Variants in WRN observed in about 807,000 individuals in gnomAD.
WRN encodes bifunctional 3'-5' exonuclease/ATP-dependent helicase WRN.
A neutral mutation model predicts 180.7 loss-of-function variants in WRN; 149 were observed. That is an observed-to-expected ratio of 0.82 (90% CI 0.72 to 0.94). The LOEUF is 0.94. WRN is among the 40% of genes least tolerant of loss of function. The pLI, the probability that WRN is intolerant of heterozygous loss-of-function variation, is 0.00. For missense variants in WRN, 1,661 were observed against 1,700.1 expected (o/e 0.98, Z 0.40); for synonymous variants, 548 against 568.9 (o/e 0.96, Z 0.52).
At chr8:31,154,051 G>T (rs1023098297) in intron 31 of WRN, among the ~76,000 whole-genome samples, 4 of 151,886 alleles carry the variant, frequency 2.6e-5, no homozygotes, top group African/African-American at 7.2e-5. Flanking sequence ...CCTTTAAAAA[G>T]ATTCCATTAT....
chr8:31,064,583 T>G, intron 4 of WRN, 149 bp downstream of exon 4: 1 of 1,199,998 alleles, frequency 8.3e-7, no homozygotes, highest in Non-Finnish European at 1.2e-6. Context: ...TTCACTCACA[T>G]TCCTTGTTTT....
At chr8:31,037,028 A>G (rs1420342828) in intron 1 of WRN, among the ~76,000 whole-genome samples, 1 of 152,224 alleles carries the variant, frequency 6.6e-6, no homozygotes, top group Non-Finnish European at 1.5e-5. Context: ...GGATATTTCA[A>G]GCGCATTACA....
At chr8:31,062,585 TA>T (rs896186432) in intron 3 of WRN, among the ~76,000 whole-genome samples, 5 of 151,696 alleles carry the variant, frequency 3.3e-5, no homozygotes, top group East Asian at 1.9e-4. Context: ...TTTATATATA[TA>T]TTTTTTTATA....
In WRN at chr8:31,087,913, T is replaced by C. The variant is rs1813599701; in HGVS notation, c.1569T>C (p.Asp523=). 6.2e-7 allele frequency: 1 copy of C among 1,613,066 alleles called. No individual in the cohort carries two copies. Residue 523 remains aspartate, a synonymous_variant, in exon 12 of 35, where the codon GAT becomes GAC. Transcript: ENST00000298139. ...AAGCTAATGAAGGGGAAGAAGATGA[T>C]GATAAGGGTAAGCACTGAAGTATGT... ...ENEANEGEED[D]DKDFLWPAPN...
At chr8:31,150,560 C>G (rs991609016) in intron 31 of WRN, 105 bp downstream of exon 31, 2 of 890,920 alleles carry the variant, frequency 2.2e-6, no homozygotes, top group Non-Finnish European at 3.7e-6. Context: ...TTTGCATTTC[C>G]ATACTGGACA....
chr8:31,146,127 T>C (rs545925971), intron 28 of WRN, among the ~76,000 whole-genome samples: 2 of 151,906 alleles, frequency 1.3e-5, no homozygotes, highest in Admixed American at 1.3e-4. Context: ...CTGATTTCCC[T>C]GGCGTGTGCC....
At chr8:31,053,418 G>A (rs1214525033) in intron 1 of WRN, among the ~76,000 whole-genome samples, 1 of 152,184 alleles carries the variant, frequency 6.6e-6, no homozygotes, top group East Asian at 1.9e-4. Flanking sequence ...AATTCAAATG[G>A]TGAACCTAAC....
intron 34 of WRN, among the ~76,000 whole-genome samples, chr8:31,169,430 C>T (rs1030213731): frequency 4.6e-5 from 7 of 151,722 alleles, no homozygotes; most frequent in African/African-American, 9.7e-5. Flanking sequence ...ATTCTTTCTT[C>T]GGTTTTCCCC....
At chr8:31,064,782 A>T in intron 4 of WRN, 133 bp from the exon 5 acceptor site, 1 of 1,094,628 alleles carries the variant, frequency 9.1e-7, no homozygotes, top group Non-Finnish European at 1.3e-6. Context: ...AGAAATACTC[A>T]AGGTCAATGT....
chr8:31,070,604 A>G (rs1410792971), intron 7 of WRN, among the ~76,000 whole-genome samples: 1 of 152,042 alleles, frequency 6.6e-6, no homozygotes, highest in Non-Finnish European at 1.5e-5. Flanking sequence ...GAAGAAAGCA[A>G]TTGCAGTGTA....
chr8:31,131,297 A>G (rs914807077), intron 23 of WRN, among the ~76,000 whole-genome samples: 9 of 151,890 alleles, frequency 5.9e-5, no homozygotes, highest in African/African-American at 1.7e-4. Flanking sequence ...CTGGGATTAC[A>G]GGTGCATGCC....
chr8:31,062,586 A>T (rs372706354), intron 3 of WRN, among the ~76,000 whole-genome samples: 34 of 151,218 alleles, frequency 2.2e-4, no homozygotes, highest in Admixed American at 3.3e-4. Flanking sequence ...TTATATATAT[A>T]TTTTTTTATA....
chr8:31,127,831 G>A (rs1325597410), intron 23 of WRN, among the ~76,000 whole-genome samples: 1 of 152,150 alleles, frequency 6.6e-6, no homozygotes, highest in East Asian at 1.9e-4. Flanking sequence ...GGCTAAGGTG[G>A]AAAGATCGCT....
intron 1 of WRN, among the ~76,000 whole-genome samples, chr8:31,041,699 G>A (rs998910103): frequency 3.3e-5 from 5 of 152,290 alleles, no homozygotes; most frequent in African/African-American, 9.6e-5. Context: ...AGAGGAGAAG[G>A]TATAAAATAG....
chr8:31,044,003 T>C (rs963745567), intron 1 of WRN, among the ~76,000 whole-genome samples: 2 of 152,236 alleles, frequency 1.3e-5, no homozygotes, highest in African/African-American at 4.8e-5. Flanking sequence ...CCTCCTGGAT[T>C]GTTCTTTGCA....
chr8:31,100,945 C>G lies in WRN; in HGVS notation c.2078C>G (p.Ala693Gly), dbSNP rs760090174. 9.9e-6 allele frequency: 16 copies of G among 1,613,722 alleles called. No individual in the cohort carries two copies. In the South Asian group the frequency reaches 1.8e-4, roughly 18 times the overall value. ...SFRKLGSLKT[A>G]LPMVPIVALT... is the part of the protein sequence containing the mutation. ...AGGAAGTTGGGCTCCCTAAAGACAGCACTGCCAATGGTAAGCTTTGCCAAG... is the reference window on the plus strand; with the variant it reads ...AGGAAGTTGGGCTCCCTAAAGACAGGACTGCCAATGGTAAGCTTTGCCAAG... The change falls in exon 18 of 35, where the codon GCA becomes GGA. Residue 693 changes from alanine (A) to glycine (G), a missense_variant. This residue lies in a region of WRN where 1,141 missense variants were observed against 1,149.4 expected (regional missense o/e 0.99). Coordinates refer to ENST00000298139, the MANE Select transcript of WRN (RefSeq NM_000553.6).
At chr8:31,080,406 T>A (rs1361817575) in intron 8 of WRN, among the ~76,000 whole-genome samples, 1 of 152,076 alleles carries the variant, frequency 6.6e-6, no homozygotes, top group Non-Finnish European at 1.5e-5. Flanking sequence ...GCATTATGAT[T>A]TTCCTTGACA....
At position 31,095,418 on chromosome 8, in the gene WRN, A is replaced by G. The variant is rs1348225629; in HGVS notation, c.1899-1350A>G. Reference sequence around the variant, plus strand: ...AAGAGCAGCAGTTTTTCATTTTGATAAAGTCCAGTTTGTCGATTCGTTCTT... The same window carrying G: ...AAGAGCAGCAGTTTTTCATTTTGATGAAGTCCAGTTTGTCGATTCGTTCTT... On this transcript the variant is annotated intron_variant, in intron 16 of 34. Transcript: ENST00000298139. Among the ~76,000 whole-genome samples, 4 of 152,188 alleles carry G rather than the reference A, an allele frequency of 2.6e-5. No individual in the cohort carries two copies. In the South Asian group the frequency reaches 8.3e-4, roughly 32 times the overall value.
intron 30 of WRN, among the ~76,000 whole-genome samples, chr8:31,149,537 C>T (rs1803027419): frequency 8.9e-6 from 1 of 112,012 alleles, no homozygotes; most frequent in African/African-American, 3.5e-5. Flanking sequence ...TGCAGTGGCG[C>T]GATCTCGGCT....
Sources: gnomAD v4.1 joint callset for allele counts (sites outside exome capture counted in the v4.1 genomes callset) on GRCh38, gnomAD v4.1.1 for gene constraint, gnomAD v4.1.1 regional missense constraint, MANE v1.5 for transcripts, NCBI Gene and HGNC (gene_info 2026-07-23, HGNC 2026-07-21) for gene names.